CSMD3: variants seen among roughly 807,000 people sequenced by gnomAD.
CSMD3 encodes the protein CUB and sushi domain-containing protein 3.
CSMD3 carries 177 observed loss-of-function variants against 435.2 expected under a neutral mutation model. That is an observed-to-expected ratio of 0.41 (90% CI 0.36 to 0.46). CSMD3 has a LOEUF of 0.46. CSMD3 is among the 20% of genes least tolerant of loss of function. CSMD3 has a pLI of 0.34. For synonymous variants in CSMD3, 1,656 were observed against 1,520.5 expected, an observed-to-expected ratio of 1.09 and a Z score of -2.07; for missense variants, 4,265 against 4,504.6, an observed-to-expected ratio of 0.95 and a Z score of 1.52.
intron 32 of CSMD3, among the ~76,000 whole-genome samples, chr8:112,470,937 CCAA>C (rs1818462395): frequency 1.3e-5 from 2 of 151,832 alleles, no homozygotes; most frequent in Admixed American, 6.6e-5. Context: ...GTTTTAAAAA[CCAA>C]CTATTATTGG....
Position 113,019,190 on chromosome 8 carries a change from A to C in CSMD3, c.918-11T>G, listed in dbSNP as rs1564214815. 6.4e-7 allele frequency: 1 copy of C among 1,564,294 alleles called. No homozygotes were observed. The highest frequency in any genetic ancestry group is 2.2e-5 in the East Asian group (1 of 44,624). On this transcript the variant is annotated splice_polypyrimidine_tract_variant and intron_variant, in intron 5 of 70. Transcript: ENST00000297405. ...TTCATTCCAGATAACCTGAATTACA[A>C]AAGACAACAACAAAAAAATTTAAAA...
At chr8:113,244,740 T>C (rs1280080711) in intron 3 of CSMD3, among the ~76,000 whole-genome samples, 1 of 152,210 alleles carries the variant, frequency 6.6e-6, no homozygotes, top group Non-Finnish European at 1.5e-5. Flanking sequence ...ACCATAAATA[T>C]AAGGGTTTAT....
intron 5 of CSMD3, among the ~76,000 whole-genome samples, chr8:113,057,450 T>C (rs1437129531): frequency 6.6e-6 from 1 of 152,152 alleles, no homozygotes. Flanking sequence ...AAAGAATGTA[T>C]CTCTATCAGG....
At chr8:112,419,914 T>G (rs887789458) in intron 32 of CSMD3, among the ~76,000 whole-genome samples, 1 of 152,214 alleles carries the variant, frequency 6.6e-6, no homozygotes, top group Non-Finnish European at 1.5e-5. Context: ...TTCCATTGTA[T>G]GTTTAAAAGA....
At chr8:112,307,320 T>A (rs1821526054) in intron 50 of CSMD3, among the ~76,000 whole-genome samples, 1 of 152,006 alleles carries the variant, frequency 6.6e-6, no homozygotes. Flanking sequence ...ACTACTCTTT[T>A]TCCCAGGCTG....
At chr8:112,278,001 C>T (rs1338627898) in intron 59 of CSMD3, among the ~76,000 whole-genome samples, 1 of 152,162 alleles carries the variant, frequency 6.6e-6, no homozygotes, top group Non-Finnish European at 1.5e-5. Flanking sequence ...ATTCATCCAT[C>T]CCTTCTCTCA....
At chr8:112,324,578 TGTGG>T (rs1233758647) in intron 45 of CSMD3, among the ~76,000 whole-genome samples, 2 of 150,880 alleles carry the variant, frequency 1.3e-5, no homozygotes, top group African/African-American at 2.4e-5. Flanking sequence ...GGGGTGTGTG[TGTGG>T]GTGTGTGTGT....
chr8:112,387,529 A>C (rs966972329), intron 36 of CSMD3, among the ~76,000 whole-genome samples: 1 of 150,396 alleles, frequency 6.6e-6, no homozygotes, highest in African/African-American at 2.4e-5. Context: ...ACTCAGTGAT[A>C]TGTCTAAAAC....
chr8:112,938,637 T>C (rs1221211586), intron 9 of CSMD3, among the ~76,000 whole-genome samples: 2 of 152,120 alleles, frequency 1.3e-5, no homozygotes, highest in Admixed American at 6.6e-5. Context: ...GAGGAAATGG[T>C]AGTTTTTACT....
Position 113,073,089 on chromosome 8 carries a change from G to A in CSMD3, c.917+25667C>T, listed in dbSNP as rs887673636. On this transcript the variant is annotated intron_variant, in intron 5 of 70. Coordinates refer to ENST00000297405, the MANE Select transcript of CSMD3 (RefSeq NM_198123.2). ...TCATTATAATCAGGAAATCTCTCCC[G>A]AATTTTCCTTTTTATGAACCAAAGA... Among the ~76,000 whole-genome samples, 208 of 151,584 alleles carry A rather than the reference G, an allele frequency of 1.4e-3. 1 individual carries two copies. The highest frequency in any genetic ancestry group is 1.3e-4 in the Admixed American group (2 of 15,170).
intron 27 of CSMD3, among the ~76,000 whole-genome samples, chr8:112,518,508 A>G (rs2130998062): frequency 6.6e-6 from 1 of 152,088 alleles, no homozygotes; most frequent in African/African-American, 2.4e-5. Flanking sequence ...TGTAATATCC[A>G]TCAGTGTTTC....
At chr8:113,292,567 C>CA (rs761399488) in intron 2 of CSMD3, among the ~76,000 whole-genome samples, 2 of 151,538 alleles carry the variant, frequency 1.3e-5, no homozygotes, top group Non-Finnish European at 1.5e-5. Flanking sequence ...TCTTTGGGAA[C>CA]AAAAAATAAT....
chr8:112,322,445 A>G (rs1823087725), intron 45 of CSMD3, among the ~76,000 whole-genome samples: 1 of 152,066 alleles, frequency 6.6e-6, no homozygotes, highest in Non-Finnish European at 1.5e-5. Flanking sequence ...GTGTCCCTAG[A>G]AGCTAAGAGA....
In CSMD3 at chr8:112,447,640, C is replaced by G. The variant is rs567858064; in HGVS notation, c.5395+24951G>C. 4.6e-5 allele frequency among the ~76,000 whole-genome samples: 7 copies of G among 152,238 alleles called. No individual in the cohort carries two copies. The East Asian group carries it at 1.4e-3, about 29-fold the overall frequency. On this transcript the variant is annotated intron_variant, in intron 32 of 70. Coordinates refer to ENST00000297405, the MANE Select transcript of CSMD3 (RefSeq NM_198123.2). ...CTAGCTATCTGGAAATAGGCTATTACTTGGTATAATCTTACAAAATTCAGT... is the reference window on the plus strand; with the variant it reads ...CTAGCTATCTGGAAATAGGCTATTAGTTGGTATAATCTTACAAAATTCAGT...
intron 13 of CSMD3, among the ~76,000 whole-genome samples, chr8:112,768,465 C>T (rs2078034554): frequency 6.6e-6 from 1 of 151,856 alleles, no homozygotes; most frequent in African/African-American, 2.4e-5. Context: ...TAATCTCCTA[C>T]AAAATAAGGA....
chr8:113,211,713 A>G (rs2132080822), intron 3 of CSMD3, among the ~76,000 whole-genome samples: 1 of 152,220 alleles, frequency 6.6e-6, no homozygotes, highest in South Asian at 2.1e-4. Context: ...TAAATAAATA[A>G]TAAAAGCATG....
chr8:112,756,239 A>G (rs1355815737), intron 13 of CSMD3, among the ~76,000 whole-genome samples: 4 of 152,130 alleles, frequency 2.6e-5, no homozygotes, highest in African/African-American at 9.7e-5. Flanking sequence ...TATTTAATGC[A>G]TGTTTTAGAA....
At chr8:112,360,031 T>C (rs1339902182) in intron 38 of CSMD3, among the ~76,000 whole-genome samples, 2 of 152,074 alleles carry the variant, frequency 1.3e-5, no homozygotes, top group Admixed American at 6.6e-5. Flanking sequence ...ATTCATCTGA[T>C]TTCATAGAGT....
At chr8:113,200,165 T>G (rs1005918309) in intron 3 of CSMD3, among the ~76,000 whole-genome samples, 21 of 151,878 alleles carry the variant, frequency 1.4e-4, no homozygotes, top group African/African-American at 4.6e-4. Context: ...AGGAGAAAGT[T>G]GGGAATTGTC....
Sources: gnomAD v4.1 joint callset for allele counts (sites outside exome capture counted in the v4.1 genomes callset) on GRCh38, gnomAD v4.1.1 for gene constraint, MANE v1.5 for transcripts, NCBI Gene and HGNC (gene_info 2026-07-23, HGNC 2026-07-21) for gene names.